Variants in PPP2R5C observed in about 807,000 individuals in gnomAD.
PPP2R5C encodes serine/threonine-protein phosphatase 2A 56 kDa regulatory subunit gamma isoform.
In PPP2R5C, 7 loss-of-function variants were observed where a neutral mutation model predicts 68.9. The ratio of observed to expected loss-of-function variants is 0.10; its 90% confidence interval spans 0.06 to 0.19. The LOEUF is 0.19. Ranked by LOEUF, PPP2R5C falls within the 10% of genes least tolerant of loss-of-function variation. The pLI is 1.00. For missense variants in PPP2R5C, 348 were observed against 641.3 expected, an observed-to-expected ratio of 0.54 and a Z score of 4.94; for synonymous variants, 210 against 222.2, an observed-to-expected ratio of 0.95 and a Z score of 0.49.
chr14:101,801,776 C>T (rs145192768), intron 3 of PPP2R5C, among the ~76,000 whole-genome samples: 1 of 152,230 alleles, frequency 6.6e-6, no homozygotes, highest in Non-Finnish European at 1.5e-5. Flanking sequence ...AAGCAATCTA[C>T]AAATTCAGTG....
chr14:101,765,555 G>T, intron 2 of PPP2R5C: 1 of 256,126 alleles, frequency 3.9e-6, no homozygotes, highest in Non-Finnish European at 7.3e-6. Flanking sequence ...ACATTCCCAT[G>T]CTGCTTTCAA....
chr14:101,851,048 C>T (rs1330677624), intron 1 of PPP2R5C, among the ~76,000 whole-genome samples: 3 of 152,162 alleles, frequency 2.0e-5, no homozygotes, highest in East Asian at 1.9e-4. Flanking sequence ...AGAGCTTGAG[C>T]GCTTCTTTCT....
Position 101,781,587 on chromosome 14 carries a change from GT to G in PPP2R5C, c.94-4430del, listed in dbSNP as rs2037694271. ...CCACGTTTTCTCAAGAGTGTTGTCT[GT>G]CCCGGCCTTCCAAGGAGACCCTTAG... On this transcript the variant is annotated intron_variant, in intron 2 of 14. Coordinates refer to the PPP2R5C transcript ENST00000328724. The surrounding 1 kb of genome is among the most constrained non-coding windows in gnomAD (Gnocchi z 6.4). Among the ~76,000 whole-genome samples, 1 of 151,334 alleles carries G rather than the reference GT, an allele frequency of 6.6e-6. No individual in the cohort carries two copies. Among genetic ancestry groups the G allele is most frequent in the African/African-American group, 2.4e-5 (1 of 41,136 alleles).
chr14:101,914,260 C>T (rs1400896906), intron 12 of PPP2R5C: 2 of 451,080 alleles, frequency 4.4e-6, no homozygotes, highest in African/African-American at 2.0e-5. Context: ...GTGTTGACGC[C>T]ATCTGTGACG....
chr14:101,927,582 A>G (rs971147157), exon 14 of PPP2R5C: 2 of 152,638 alleles, frequency 1.3e-5, no homozygotes, highest in African/African-American at 2.4e-5. Flanking sequence ...AAATGTCACT[A>G]TTCCAAGTGT....
chr14:101,926,724 G>A (rs905464398), exon 14 of PPP2R5C: 2 of 152,162 alleles, frequency 1.3e-5, no homozygotes. Context: ...TCGAGGTCTC[G>A]GGTATCCTTT....
intron 3 of PPP2R5C, among the ~76,000 whole-genome samples, chr14:101,786,473 C>G (rs1369037411): frequency 6.6e-6 from 1 of 151,970 alleles, no homozygotes; most frequent in Non-Finnish European, 1.5e-5. Context: ...ATTAAGCTAG[C>G]CAGTTTTTCT....
intron 5 of PPP2R5C, among the ~76,000 whole-genome samples, chr14:101,886,086 A>C (rs556914239): frequency 2.8e-4 from 43 of 152,216 alleles, no homozygotes; most frequent in South Asian, 1.0e-3. Flanking sequence ...TCGAGACCAT[A>C]CTGGCTAACA....
chr14:101,890,360 A>C, intron 6 of PPP2R5C, 64 bp downstream of exon 8: 4 of 1,476,148 alleles, frequency 2.7e-6, no homozygotes, highest in South Asian at 1.2e-5. Context: ...GATCCATTTC[A>C]TTGAGTCCAG....
intron 1 of PPP2R5C, among the ~76,000 whole-genome samples, chr14:101,829,877 C>CT (rs1015308478): frequency 6.6e-6 from 1 of 151,902 alleles, no homozygotes; most frequent in African/African-American, 2.4e-5. Flanking sequence ...TCGTATTTTT[C>CT]TTTTTTCGCA....
At chr14:101,785,400 G>C (rs11625483) in intron 2 of PPP2R5C, among the ~76,000 whole-genome samples, 76,185 of 152,038 alleles carry the variant, frequency 0.5, 22,876 homozygotes, top group Non-Finnish European at 0.65. Flanking sequence ...TGGCTCTGGA[G>C]GTTCTAGAGG....
chr14:101,924,072 C>CA (rs1302366333), intron 13 of PPP2R5C, among the ~76,000 whole-genome samples: 2 of 152,202 alleles, frequency 1.3e-5, no homozygotes, highest in Non-Finnish European at 1.5e-5. Flanking sequence ...AATTGGCAGT[C>CA]AGTCTTCTGG....
At chr14:101,848,830 A>T (rs1032529139) in intron 1 of PPP2R5C, among the ~76,000 whole-genome samples, 2 of 152,220 alleles carry the variant, frequency 1.3e-5, no homozygotes, top group East Asian at 3.8e-4. Flanking sequence ...AGCCATATGC[A>T]TGTATCTTTA....
intron 2 of PPP2R5C, among the ~76,000 whole-genome samples, chr14:101,878,180 A>G (rs747319986): frequency 2.2e-4 from 33 of 152,354 alleles, no homozygotes; most frequent in Non-Finnish European, 3.2e-4. Flanking sequence ...TGGAGGGCCA[A>G]GGCCCCACTT....
At chr14:101,878,721 G>A (rs192360366) in intron 2 of PPP2R5C, among the ~76,000 whole-genome samples, 37 of 152,322 alleles carry the variant, frequency 2.4e-4, no homozygotes, top group African/African-American at 8.2e-4. Flanking sequence ...CTGCAGTTTG[G>A]GTCTCACAGG....
chr14:101,794,441 C>T (rs1217084896), intron 3 of PPP2R5C, among the ~76,000 whole-genome samples: 2 of 152,150 alleles, frequency 1.3e-5, no homozygotes, highest in Admixed American at 6.5e-5. Flanking sequence ...TGCGATGTTG[C>T]CCAAGCTGGT....
intron 9 of PPP2R5C, among the ~76,000 whole-genome samples, chr14:101,903,526 C>T (rs1039749446): frequency 1.1e-4 from 16 of 152,354 alleles, no homozygotes; most frequent in African/African-American, 3.6e-4. Context: ...CCTTCAGCTG[C>T]AGGCCCAGCC....
chr14:101,819,199 G>A (rs2039898578), intron 1 of PPP2R5C: 1 of 907,144 alleles, frequency 1.1e-6, no homozygotes. Flanking sequence ...TATGTAATTG[G>A]TCAGACTTCT....
chr14:101,763,343 C>T (rs1283411454), intron 2 of PPP2R5C, among the ~76,000 whole-genome samples: 3 of 151,826 alleles, frequency 2.0e-5, no homozygotes, highest in Non-Finnish European at 4.4e-5. Context: ...ACCTCAGCCT[C>T]CCAAGTAGCT....
Sources: gnomAD v4.1 joint callset for allele counts (sites outside exome capture counted in the v4.1 genomes callset) on GRCh38, gnomAD v4.1.1 for gene constraint, Gnocchi (gnomAD v3.1) non-coding constraint, MANE v1.5 for transcripts, NCBI Gene and HGNC (gene_info 2026-07-23, HGNC 2026-07-21) for gene names.